Variants in TCERG1 observed in about 807,000 individuals in gnomAD.
TCERG1 encodes the protein TATA box binding protein (TBP)-associated factor, RNA polymerase II, S, 150kD.
TCERG1 carries 37 observed loss-of-function variants against 144.7 expected under a neutral mutation model. That is an observed-to-expected ratio of 0.26 (90% confidence interval 0.20 to 0.34). The LOEUF (loss-of-function observed/expected upper bound fraction) is 0.34. TCERG1 is among the 10% of genes least tolerant of loss of function. The pLI is 1.00. For synonymous variants in TCERG1, 492 were observed against 458.2 expected, an observed-to-expected ratio of 1.07 and a Z score of -0.94; for missense variants, 1,027 against 1,380.7, an observed-to-expected ratio of 0.74 and a Z score of 4.06.
At chr5:146,461,025 G>A (rs948432998) in intron 4 of TCERG1, among the ~76,000 whole-genome samples, 6 of 152,070 alleles carry the variant, frequency 3.9e-5, no homozygotes, top group Non-Finnish European at 8.8e-5. Flanking sequence ...TCTTTCCTGC[G>A]TTCTTAGAAA....
Position 146,498,578 on chromosome 5 carries a change from A to G in TCERG1, c.2325A>G (p.Ser775=). 6 of 1,610,196 alleles carry G rather than the reference A, an allele frequency of 3.7e-6. No individual in the cohort carries two copies. The highest frequency in any genetic ancestry group is 5.1e-6 in the Non-Finnish European group (6 of 1,178,372). The change falls in exon 17 of 23, where the codon TCA becomes TCG. Residue 775 remains serine, a synonymous_variant. Transcript: ENST00000679501. ...TTGCAGCCAAGCATGCTAAAGATTCAAGATTCAAAGCAATTGAAAAGATGA... is the reference window on the plus strand; with the variant it reads ...TTGCAGCCAAGCATGCTAAAGATTCGAGATTCAAAGCAATTGAAAAGATGA... ...SEFAAKHAKD[S]RFKAIEKMKD...
At chr5:146,504,114 T>G (rs1047041843) in intron 19 of TCERG1, 108 bp downstream of exon 19, 20 of 1,149,942 alleles carry the variant, frequency 1.7e-5, no homozygotes, top group Non-Finnish European at 2.0e-5. Flanking sequence ...GGAGATAATT[T>G]GCTAAATTAG....
chr5:146,480,002 TATTTTA>T lies in TCERG1; in HGVS notation c.1820-22_1820-17del. The T allele has an allele frequency of 2.5e-6, 4 of 1,590,756 alleles. No individual in the cohort carries two copies. Among genetic ancestry groups the T allele is most frequent in the Non-Finnish European group, 3.4e-6 (4 of 1,166,566 alleles). On this transcript the variant is annotated intron_variant, in intron 11 of 22. Coordinates refer to ENST00000679501, the MANE Select transcript of TCERG1 (RefSeq NM_001382548.1). ...ATTAGCAGAAGGATTCATTCCTAAA[TATTTTA>T]ATTAAATTTTGTCTTATAGTTAAAG... is the stretch of plus-strand genomic sequence containing the variant.
intron 15 of TCERG1, among the ~76,000 whole-genome samples, chr5:146,484,352 C>T (rs1472739692): frequency 6.6e-6 from 1 of 152,148 alleles, no homozygotes. Context: ...TACTTAATTT[C>T]TGAATTACCT....
chr5:146,490,249 T>C (rs2150684844), intron 15 of TCERG1, among the ~76,000 whole-genome samples: 1 of 152,264 alleles, frequency 6.6e-6, no homozygotes, highest in Middle Eastern at 3.4e-3. Flanking sequence ...GAGGATATGT[T>C]CCAAGACACC....
Position 146,457,116 on chromosome 5 carries a change from T to C in TCERG1, c.286-67T>C, listed in dbSNP as rs374817666. The C allele has an allele frequency of 3.7e-5, 58 of 1,564,484 alleles. No homozygotes were observed. In the East Asian group the frequency reaches 9.7e-4, roughly 26 times the overall value. ...TCTCTTACAGTGTTTTACTTTTGAATAGAATTCAGTAATAATTTGGAGGAA... is the reference window on the plus strand; with the variant it reads ...TCTCTTACAGTGTTTTACTTTTGAACAGAATTCAGTAATAATTTGGAGGAA... On this transcript the variant is annotated intron_variant, in intron 2 of 22. Transcript: ENST00000679501.
intron 15 of TCERG1, among the ~76,000 whole-genome samples, chr5:146,487,527 C>T (rs1765957110): frequency 6.6e-6 from 1 of 152,058 alleles, no homozygotes; most frequent in African/African-American, 2.4e-5. Flanking sequence ...CAGGAGATCA[C>T]TTGAGGCCAG....
intron 4 of TCERG1, 33 bp from the exon 5 acceptor site, chr5:146,463,518 A>AGT: frequency 6.2e-7 from 1 of 1,612,858 alleles, no homozygotes; most frequent in Non-Finnish European, 8.5e-7. Context: ...TTTATGAAGG[A>AGT]GTGATACATG....
intron 1 of TCERG1, among the ~76,000 whole-genome samples, chr5:146,449,744 G>A (rs1762198261): frequency 6.6e-6 from 1 of 152,146 alleles, no homozygotes; most frequent in African/African-American, 2.4e-5. Context: ...GTAAGTGGTA[G>A]GAATGCAAAT....
chr5:146,465,251 G>A (rs1051354841), intron 5 of TCERG1, among the ~76,000 whole-genome samples: 13 of 152,270 alleles, frequency 8.5e-5, no homozygotes, highest in African/African-American at 3.1e-4. Flanking sequence ...CCAGATCGTG[G>A]ATTCTGAGTG....
In TCERG1 at chr5:146,463,809, A is replaced by C. The variant is rs774376759; in HGVS notation, c.1135+16A>C. 2 of 1,614,068 alleles carry C rather than the reference A, an allele frequency of 1.2e-6. No homozygotes were observed. The highest frequency in any genetic ancestry group is 1.7e-6 in the Non-Finnish European group (2 of 1,179,918). Reference sequence around the variant, plus strand: ...CCACTTCCAGGTAAACCAACAGATTATAATGGTCTTTCCAGCTATGTTTTC... The same window carrying C: ...CCACTTCCAGGTAAACCAACAGATTCTAATGGTCTTTCCAGCTATGTTTTC... On this transcript the variant is annotated intron_variant, in intron 5 of 22. Coordinates refer to ENST00000679501, the MANE Select transcript of TCERG1 (RefSeq NM_001382548.1).
At chr5:146,491,263 A>G (rs1377070992) in intron 15 of TCERG1, among the ~76,000 whole-genome samples, 1 of 151,858 alleles carries the variant, frequency 6.6e-6, no homozygotes, top group Non-Finnish European at 1.5e-5. Flanking sequence ...CTGGGATTAC[A>G]GGTGTGAGCC....
chr5:146,499,983 T>TTTTTTAGTC (rs1354912588), intron 17 of TCERG1: 7 of 152,076 alleles, frequency 4.6e-5, no homozygotes, highest in Non-Finnish European at 1.0e-4. Context: ...TACTTTACAT[T>TTTTTTAGTC]TTTTTAGTCT....
chr5:146,503,814 G>T lies in TCERG1; in HGVS notation c.2599-10G>T, dbSNP rs746977989. The stretch of plus-strand genomic sequence containing the variant: ...TGGTAAGAAGGATAATGTAGTTTTT[G>T]CTTTTACAGAATTTAGACTCAGAAA... On this transcript the variant is annotated splice_polypyrimidine_tract_variant and intron_variant, in intron 18 of 22. Coordinates refer to ENST00000679501, the MANE Select transcript of TCERG1 (RefSeq NM_001382548.1). The T allele has an allele frequency of 7.0e-6, 11 of 1,572,798 alleles. No homozygotes were observed. The Admixed American group carries it at 2.3e-4, about 32-fold the overall frequency.
chr5:146,498,004 C>T (rs1243169256), intron 16 of TCERG1, among the ~76,000 whole-genome samples: 1 of 152,212 alleles, frequency 6.6e-6, no homozygotes, highest in African/African-American at 2.4e-5. Flanking sequence ...ATCTTTGCTT[C>T]CTCCAGTTCA....
chr5:146,452,659 G>T (rs1410031751), intron 1 of TCERG1, among the ~76,000 whole-genome samples: 1 of 151,984 alleles, frequency 6.6e-6, no homozygotes, highest in African/African-American at 2.4e-5. Context: ...GCACAATCTC[G>T]GCTCACTGCA....
At position 146,492,930 on chromosome 5, in the gene TCERG1, A is replaced by G; in HGVS notation, c.2174A>G (p.Gln725Arg). Residue 725 changes from glutamine (Q) to arginine (R), a missense_variant, in exon 16 of 23, where the codon CAG (glutamine) becomes CGG (arginine). Gln to Arg is a conservative substitution (Grantham distance 43). Transcript: ENST00000679501. ...NPKERKQVFDQYVKTRAEEER... is the reference protein window; with the variant it reads ...NPKERKQVFDRYVKTRAEEER... Reference sequence around the variant, plus strand: ...TGATTTTTATAATAGGTGTTTGATCAGTATGTAAAGACCAGGGCAGAGGAA... The same window carrying G: ...TGATTTTTATAATAGGTGTTTGATCGGTATGTAAAGACCAGGGCAGAGGAA... The G allele has an allele frequency of 1.2e-6, 2 of 1,604,588 alleles. No individual in the cohort carries two copies. Among genetic ancestry groups the G allele is most frequent in the South Asian group, 1.1e-5 (1 of 89,302 alleles).
intron 19 of TCERG1, among the ~76,000 whole-genome samples, chr5:146,505,353 T>C (rs1268978801): frequency 6.6e-6 from 1 of 152,228 alleles, no homozygotes; most frequent in Admixed American, 6.5e-5. Flanking sequence ...CCCTGGTTAC[T>C]TGCAGGGGAT....
chr5:146,507,142 C>T lies in TCERG1; in HGVS notation c.2896C>T (p.His966Tyr). ...REEKEKLFNE[H>Y]IEALTKKKRE... ...GGAGAAAGAGAAGCTTTTTAATGAA[C>T]ACATTGAAGCACTTACCAAAAAAAA... is the stretch of plus-strand genomic sequence containing the variant. Residue 966 changes from histidine to tyrosine, a missense_variant, in exon 20 of 23, where the codon CAC becomes TAC. Physicochemically the swap from His to Tyr is moderately conservative, Grantham distance 83 (BLOSUM62 2). This residue lies in a region of TCERG1 where 133 missense variants were observed against 283.2 expected (regional missense o/e 0.47). Coordinates refer to ENST00000679501, the MANE Select transcript of TCERG1 (RefSeq NM_001382548.1). The surrounding 1 kb of genome is among the most constrained non-coding windows in gnomAD (Gnocchi z 4.6). 6.2e-7 allele frequency: 1 copy of T among 1,612,284 alleles called. No individual in the cohort carries two copies. Among genetic ancestry groups the T allele is most frequent in the Non-Finnish European group, 8.5e-7 (1 of 1,179,446 alleles).
Sources: allele counts gnomAD v4.1 joint callset (sites outside exome capture counted in the v4.1 genomes callset), GRCh38; gene constraint gnomAD v4.1.1; regional missense constraint gnomAD v4.1.1; non-coding constraint Gnocchi (gnomAD v3.1); transcripts MANE v1.5; gene names NCBI Gene and HGNC (gene_info 2026-07-23, HGNC 2026-07-21).